EHMT1: variants seen among roughly 807,000 people sequenced by gnomAD.
EHMT1 encodes the protein histone-lysine N-methyltransferase EHMT1.
Under a neutral mutation model 147.2 loss-of-function variants are expected in EHMT1, and 15 were observed. The observed-to-expected ratio is 0.10, with a 90% CI of 0.07 to 0.16. EHMT1 has a LOEUF of 0.16. Ranked by LOEUF, EHMT1 falls within the 10% of genes least tolerant of loss-of-function variation. The pLI is 1.00. For missense variants in EHMT1, 1,587 were observed against 1,772.4 expected (o/e 0.90, Z 1.88); for synonymous variants, 795 against 709.6 (o/e 1.12, Z -1.91).
chr9:137,834,232 C>T (rs1956434756), intron 25 of EHMT1, 117 bp from the exon 26 acceptor site: 4 of 1,358,000 alleles, frequency 2.9e-6, no homozygotes, highest in Non-Finnish European at 4.0e-6. Context: ...GCCCCTCCTG[C>T]ATGGCGGGCC....
chr9:137,714,776 T>A (rs1192858113), intron 2 of EHMT1, among the ~76,000 whole-genome samples: 2 of 152,048 alleles, frequency 1.3e-5, no homozygotes, highest in East Asian at 3.9e-4. Context: ...CGTGAACTCC[T>A]GGGTTCAAGC....
At position 137,719,322 on chromosome 9, in the gene EHMT1, C is replaced by T. The variant is rs919153526; in HGVS notation, c.642+2140C>T. On this transcript the variant is annotated intron_variant, in intron 3 of 26. Coordinates refer to ENST00000460843, the MANE Select transcript of EHMT1 (RefSeq NM_024757.5). ...GTTTTCTGTGGCCTGTCTGCAGTGA[C>T]CACAGTGGGTGGTGGGCACACTGTG... Among the ~76,000 whole-genome samples the T allele has an allele frequency of 4.6e-5, 7 of 152,224 alleles. No homozygotes were observed. The East Asian group carries it at 1.4e-3, about 29-fold the overall frequency.
intron 1 of EHMT1, among the ~76,000 whole-genome samples, chr9:137,691,345 A>C (rs961407684): frequency 4.7e-5 from 7 of 148,748 alleles, no homozygotes; most frequent in Admixed American, 4.0e-4. Context: ...TTTTTTTCTT[A>C]AAATTTTTTT....
intron 10 of EHMT1, among the ~76,000 whole-genome samples, chr9:137,765,440 C>CT (rs937180338): frequency 3.3e-5 from 5 of 152,142 alleles, no homozygotes; most frequent in African/African-American, 9.7e-5. Context: ...GTGTGGTAAG[C>CT]TTTTTTTGTT....
chr9:137,811,768 G>A (rs931343655), intron 19 of EHMT1, among the ~76,000 whole-genome samples, 153 bp downstream of exon 19: 8 of 152,202 alleles, frequency 5.3e-5, no homozygotes, highest in Non-Finnish European at 8.8e-5. Flanking sequence ...TGTTCCACAC[G>A]CAGAGAAGTG....
At chr9:137,729,137 C>T (rs1010229066) in intron 4 of EHMT1, among the ~76,000 whole-genome samples, 2 of 152,084 alleles carry the variant, frequency 1.3e-5, no homozygotes, top group South Asian at 2.1e-4. Flanking sequence ...GGGATGTGTG[C>T]GTTTGGCGCT....
rs778272171 is a variant in EHMT1 at position 137,834,917 on chromosome 9, C to A, written c.3861C>A (p.Pro1287=). ...AAQEAQEDGL[P]DTSSAAAADP... Reference sequence around the variant, plus strand: ...AGGAGGCCCAGGAGGACGGCTTGCCCGACACCAGCTCCGCGGCTGCCGCCG... The same window carrying A: ...AGGAGGCCCAGGAGGACGGCTTGCCAGACACCAGCTCCGCGGCTGCCGCCG... Residue 1287 remains proline, a synonymous_variant, in exon 27 of 27, where the codon CCC becomes CCA. Transcript: ENST00000460843. 1.3e-6 allele frequency: 2 copies of A among 1,581,062 alleles called. No individual in the cohort carries two copies. The highest frequency in any genetic ancestry group is 1.4e-5 in the African/African-American group (1 of 73,972).
rs1208667076 is a variant in EHMT1 at position 137,631,346 on chromosome 9, C to T, written c.21+12297C>T. On this transcript the variant is annotated intron_variant, in intron 1 of 26. Coordinates refer to ENST00000460843, the MANE Select transcript of EHMT1 (RefSeq NM_024757.5). The stretch of plus-strand genomic sequence containing the variant: ...GGTGGAGGTTGCAGTGACCTGAGAT[C>T]GTGCCATTGGACTCCAGCCTGGGTA... 2.6e-5 allele frequency among the ~76,000 whole-genome samples: 4 copies of T among 151,218 alleles called. 1 individual carries two copies. The highest frequency in any genetic ancestry group is 4.2e-4 in the South Asian group (2 of 4,796).
chr9:137,647,390 C>T (rs549986537), intron 1 of EHMT1, among the ~76,000 whole-genome samples: 1 of 152,256 alleles, frequency 6.6e-6, no homozygotes, highest in South Asian at 2.1e-4. Flanking sequence ...CGCTAGACAC[C>T]ATCTGTAGAA....
At chr9:137,832,285 C>A (rs1376523776) in intron 25 of EHMT1, among the ~76,000 whole-genome samples, 4 of 147,226 alleles carry the variant, frequency 2.7e-5, no homozygotes, top group African/African-American at 1.0e-4. Flanking sequence ...CCCACGTGGC[C>A]TCTGCACCTC....
At chr9:137,769,783 ATTTATG>A (rs1160314379) in intron 10 of EHMT1, among the ~76,000 whole-genome samples, 2 of 152,092 alleles carry the variant, frequency 1.3e-5, no homozygotes, top group East Asian at 3.9e-4. Context: ...CTTGATCTCT[ATTTATG>A]TTTAAGAAAT....
intron 1 of EHMT1, among the ~76,000 whole-genome samples, chr9:137,693,441 G>A (rs564712905): frequency 6.6e-6 from 1 of 152,124 alleles, no homozygotes; most frequent in African/African-American, 2.4e-5. Flanking sequence ...CAGAGGAAAC[G>A]GGCACAGAGA....
intron 25 of EHMT1, among the ~76,000 whole-genome samples, chr9:137,818,365 A>G (rs1031808609): frequency 3.3e-5 from 5 of 152,182 alleles, no homozygotes; most frequent in African/African-American, 9.7e-5. Flanking sequence ...TGTGCAGCCA[A>G]CTGCCCCTTT....
In EHMT1 at chr9:137,813,167, T is replaced by C; in HGVS notation, c.3029T>C (p.Val1010Ala). ...PDRPSPVERI[V>A]SRDIARGYER... Reference sequence around the variant, plus strand: ...AGGCCCAGCCCCGTGGAGAGGATAGTGAGCAGGTGAGCCCAGCCCCAGGAC... The same window carrying C: ...AGGCCCAGCCCCGTGGAGAGGATAGCGAGCAGGTGAGCCCAGCCCCAGGAC... Residue 1010 changes from valine (V) to alanine (A), a missense_variant, in exon 20 of 27, where the codon GTG becomes GCG. Val to Ala is a moderately conservative substitution (Grantham distance 64). Coordinates refer to ENST00000460843, the MANE Select transcript of EHMT1 (RefSeq NM_024757.5). The surrounding 1 kb of genome is among the most constrained non-coding windows in gnomAD (Gnocchi z 4.9). The C allele has an allele frequency of 6.2e-7, 1 of 1,609,074 alleles. No individual in the cohort carries two copies. The highest frequency in any genetic ancestry group is 8.5e-7 in the Non-Finnish European group (1 of 1,179,930).
Position 137,629,390 on chromosome 9 carries a change from C to T in EHMT1, c.21+10341C>T, listed in dbSNP as rs560816351. Among the ~76,000 whole-genome samples the T allele has an allele frequency of 2.0e-3, 288 of 146,114 alleles. 4 individuals are homozygous for T. Among genetic ancestry groups the T allele is most frequent in the Non-Finnish European group, 2.9e-3 (191 of 66,840 alleles). ...TACCGGCGTGAGCCACCACACCTGGCCAGTTTTTTTGTTGTTGTTGTTAAA... is the reference window on the plus strand; with the variant it reads ...TACCGGCGTGAGCCACCACACCTGGTCAGTTTTTTTGTTGTTGTTGTTAAA... On this transcript the variant is annotated intron_variant, in intron 1 of 26. Transcript: ENST00000460843.
At chr9:137,654,365 C>T (rs1228664513) in intron 1 of EHMT1, among the ~76,000 whole-genome samples, 3 of 128,028 alleles carry the variant, frequency 2.3e-5, no homozygotes, top group Non-Finnish European at 3.3e-5. Context: ...AGACCCCACC[C>T]CCCACCCCTT....
At chr9:137,803,936 T>G (rs1449106934) in intron 18 of EHMT1, among the ~76,000 whole-genome samples, 5 of 151,766 alleles carry the variant, frequency 3.3e-5, no homozygotes, top group Non-Finnish European at 7.4e-5. Context: ...GCTATCAGGG[T>G]TCTACCTAAG....
At chr9:137,723,712 A>AT (rs1257722274) in intron 3 of EHMT1, among the ~76,000 whole-genome samples, 2 of 152,334 alleles carry the variant, frequency 1.3e-5, no homozygotes, top group South Asian at 2.1e-4. Flanking sequence ...CTTGTTTGGT[A>AT]TTTTTTTAAA....
At position 137,817,421 on chromosome 9, in the gene EHMT1, C is replaced by G. The variant is rs765277997; in HGVS notation, c.3375-18C>G. 18 of 1,613,328 alleles carry G rather than the reference C, an allele frequency of 1.1e-5. No homozygotes were observed. The Admixed American group carries it at 2.3e-4, about 21-fold the overall frequency. On this transcript the variant is annotated intron_variant, in intron 23 of 26. Coordinates refer to ENST00000460843, the MANE Select transcript of EHMT1 (RefSeq NM_024757.5). ...CTGAGGCTGTGGCCTGGGTTCACCA[C>G]TACTCTCTATTTTTCAGGGCAAGGC... is the stretch of plus-strand genomic sequence containing the variant.
Sources: allele counts gnomAD v4.1 joint callset (sites outside exome capture counted in the v4.1 genomes callset), GRCh38; gene constraint gnomAD v4.1.1; non-coding constraint Gnocchi (gnomAD v3.1); transcripts MANE v1.5; gene names NCBI Gene and HGNC (gene_info 2026-07-23, HGNC 2026-07-21).